FBXO36: variants seen among roughly 807,000 people sequenced by gnomAD.
The protein encoded by FBXO36 is F-box only protein 36.
FBXO36 carries 18 observed loss-of-function variants against 17.0 expected under a neutral mutation model. The ratio of observed to expected loss-of-function variants is 1.06; its 90% confidence interval spans 0.73 to 1.57. FBXO36 has a LOEUF of 1.57. FBXO36 is among the 40% of genes most tolerant of loss of function. The probability of loss-of-function intolerance (pLI) is 0.00; values close to 1 mark genes in which losing one functional copy is unlikely to be tolerated. For synonymous variants in FBXO36, 83 were observed against 85.3 expected (o/e 0.97, Z 0.15); for missense variants, 229 against 221.9 (o/e 1.03, Z -0.20).
chr2:229,976,869 A>C (rs2077211588), intron 2 of FBXO36: 1 of 152,234 alleles, frequency 6.6e-6, no homozygotes, highest in Admixed American at 6.6e-5. Flanking sequence ...TAATGAAGTT[A>C]AAATCAAGTA....
At chr2:229,940,931 T>G (rs1303253472) in intron 1 of FBXO36, among the ~76,000 whole-genome samples, 2 of 152,150 alleles carry the variant, frequency 1.3e-5, no homozygotes, top group Non-Finnish European at 2.9e-5. Flanking sequence ...CCTACTTGAT[T>G]CGCCTAAATA....
chr2:229,967,007 G>A (rs111258869), intron 1 of FBXO36, among the ~76,000 whole-genome samples: 1 of 152,190 alleles, frequency 6.6e-6, no homozygotes, highest in Non-Finnish European at 1.5e-5. Flanking sequence ...TCCTACCCAT[G>A]AGCATGGAAT....
intron 1 of FBXO36, among the ~76,000 whole-genome samples, chr2:229,926,823 G>A (rs1049973399): frequency 6.6e-6 from 1 of 151,704 alleles, no homozygotes; most frequent in Non-Finnish European, 1.5e-5. Context: ...TTGAAAACCA[G>A]TAGATTAATA....
At chr2:229,943,778 A>G (rs1478653777) in intron 1 of FBXO36, among the ~76,000 whole-genome samples, 1 of 152,188 alleles carries the variant, frequency 6.6e-6, no homozygotes, top group Admixed American at 6.5e-5. Context: ...TGCCTAAGAC[A>G]GAGTAGCAGT....
At chr2:229,988,744 C>T (rs373178421) in intron 2 of FBXO36, among the ~76,000 whole-genome samples, 1 of 151,584 alleles carries the variant, frequency 6.6e-6, no homozygotes, top group South Asian at 2.1e-4. Context: ...CCATGTTGCT[C>T]AGGCTGGTCT....
At position 229,962,133 on chromosome 2, in the gene FBXO36, A is replaced by G. The variant is rs187202015; in HGVS notation, c.97-14108A>G. Among the ~76,000 whole-genome samples, 61 of 151,944 alleles carry G rather than the reference A, an allele frequency of 4.0e-4. No individual in the cohort carries two copies. The East Asian group carries it at 0.01, about 25-fold the overall frequency. On this transcript the variant is annotated intron_variant, in intron 1 of 3. Coordinates refer to ENST00000283946, the MANE Select transcript of FBXO36 (RefSeq NM_174899.5). Reference sequence around the variant, plus strand: ...GTGAGGCAGAGGTTGCAGTGAGCCGAGATTGTGCCACTGCAGTCCAGCCTG... The same window carrying G: ...GTGAGGCAGAGGTTGCAGTGAGCCGGGATTGTGCCACTGCAGTCCAGCCTG...
intron 2 of FBXO36, among the ~76,000 whole-genome samples, chr2:229,981,468 G>C (rs1039700496): frequency 6.6e-6 from 1 of 151,638 alleles, no homozygotes; most frequent in African/African-American, 2.4e-5. Context: ...ACTTTCACCT[G>C]CCAGGCTTAA....
chr2:230,004,986 A>G (rs530760886), intron 3 of FBXO36, among the ~76,000 whole-genome samples: 1 of 152,352 alleles, frequency 6.6e-6, no homozygotes, highest in East Asian at 1.9e-4. Flanking sequence ...AGTCTTGGCA[A>G]TAAGAGTGGA....
chr2:229,939,573 T>C (rs544026653), intron 1 of FBXO36, among the ~76,000 whole-genome samples: 2 of 152,086 alleles, frequency 1.3e-5, no homozygotes, highest in Admixed American at 6.5e-5. Context: ...ATGGCGCCAC[T>C]GCACTCCAGC....
At position 230,011,895 on chromosome 2, in the gene FBXO36, G is replaced by C. The variant is rs1449556218; in HGVS notation, c.*1011G>C. 6.6e-6 allele frequency: 1 copy of C among 151,380 alleles called. No homozygotes were observed. The highest frequency in any genetic ancestry group is 2.5e-5 in the African/African-American group (1 of 40,706). The allele number at this position is 151,380 out of a possible 1,614,324, so 9.4% of individuals were successfully genotyped here. A position where few individuals can be genotyped will look rare whatever the true frequency, so the allele number is the denominator to read the frequency against. ...TTTGCATGCTGTTAACATGGCAGAG[G>C]GGTAAAAAGAATACAGTCCTGGGGA... On this transcript the variant is annotated 3_prime_UTR_variant, in exon 4 of 4. Transcript: ENST00000283946.
intron 3 of FBXO36, among the ~76,000 whole-genome samples, chr2:230,000,469 GCGCTGTTGCAGGGC>G (rs1244651632): frequency 2.0e-5 from 3 of 151,528 alleles, no homozygotes; most frequent in Non-Finnish European, 4.4e-5. Context: ...AAAAGTTTCT[GCGCTGTTGCAGGGC>G]CTGGATTTGA....
chr2:229,966,763 A>G (rs991769618), intron 1 of FBXO36, among the ~76,000 whole-genome samples: 8 of 152,302 alleles, frequency 5.3e-5, no homozygotes, highest in African/African-American at 1.4e-4. Context: ...TACCAGTACC[A>G]TGCTGTTTTG....
chr2:229,926,147 G>C (rs923792923), intron 1 of FBXO36, among the ~76,000 whole-genome samples: 10 of 145,034 alleles, frequency 6.9e-5, no homozygotes, highest in South Asian at 4.3e-4. Flanking sequence ...AAAAAAAAAG[G>C]GGGGGCTGAG....
chr2:229,999,327 G>A (rs1448678168), intron 3 of FBXO36, among the ~76,000 whole-genome samples: 4 of 149,688 alleles, frequency 2.7e-5, no homozygotes, highest in East Asian at 2.0e-4. Context: ...GGGTTTCCCC[G>A]TGTTGGCCAG....
chr2:229,951,563 G>C (rs1410403400), intron 1 of FBXO36, among the ~76,000 whole-genome samples: 1 of 152,172 alleles, frequency 6.6e-6, no homozygotes, highest in Non-Finnish European at 1.5e-5. Flanking sequence ...TTTTTGTAAA[G>C]CATTAAAGCA....
At chr2:229,958,396 G>A (rs540921588) in intron 1 of FBXO36, among the ~76,000 whole-genome samples, 51 of 149,398 alleles carry the variant, frequency 3.4e-4, no homozygotes, top group South Asian at 1.1e-3. Flanking sequence ...TCAGCCTCCC[G>A]AGTAGCTGGG....
intron 3 of FBXO36, 58 bp downstream of exon 3, chr2:229,996,981 T>C: frequency 6.6e-7 from 1 of 1,512,520 alleles, no homozygotes; most frequent in Non-Finnish European, 9.0e-7. Flanking sequence ...CTAAAAAAAA[T>C]TTTTAACATA....
chr2:229,998,843 C>T (rs1463778657), intron 3 of FBXO36, among the ~76,000 whole-genome samples: 1 of 149,482 alleles, frequency 6.7e-6, no homozygotes, highest in East Asian at 2.0e-4. Flanking sequence ...CTGTCTGTCG[C>T]CCAGGCTGAA....
chr2:229,953,023 CA>C (rs771968897), intron 1 of FBXO36, among the ~76,000 whole-genome samples: 13 of 152,090 alleles, frequency 8.5e-5, no homozygotes, highest in Non-Finnish European at 1.5e-4. Flanking sequence ...TTCATTTTGC[CA>C]TGTGCATGTA....
Sources: allele counts gnomAD v4.1 joint callset (sites outside exome capture counted in the v4.1 genomes callset), GRCh38; gene constraint gnomAD v4.1.1; transcripts MANE v1.5; gene names NCBI Gene and HGNC (gene_info 2026-07-23, HGNC 2026-07-21).